The following NOP56 variants were observed in gnomAD, a reference collection of about 807,000 sequenced individuals.
NOP56 encodes the protein nucleolar protein 56.
A neutral mutation model predicts 58.3 loss-of-function variants in NOP56; 31 were observed. The observed-to-expected ratio is 0.53, with a 90% CI of 0.40 to 0.72. NOP56 has a LOEUF of 0.72. Ranked by LOEUF, NOP56 falls within the 30% of genes least tolerant of loss-of-function variation. The probability of loss-of-function intolerance (pLI) is 0.00; values close to 1 mark genes in which losing one functional copy is unlikely to be tolerated. For missense variants in NOP56, 669 were observed against 739.9 expected, an observed-to-expected ratio of 0.90 and a Z score of 1.11; for synonymous variants, 313 against 282.8, an observed-to-expected ratio of 1.11 and a Z score of -1.07.
At chr20:2,656,088 T>C (rs781076243) in intron 8 of NOP56, 54 bp downstream of exon 8, 1 of 1,613,776 alleles carries the variant, frequency 6.2e-7, no homozygotes, top group Non-Finnish European at 8.5e-7. Flanking sequence ...TGCCCACTGC[T>C]TGTTGGGGGA....
intron 5 of NOP56, 103 bp downstream of exon 5, chr20:2,655,050 G>T: frequency 2.2e-6 from 3 of 1,394,490 alleles, no homozygotes; most frequent in Non-Finnish European, 2.0e-6. Context: ...GAACCATGTG[G>T]GCTGGGGCTG....
Position 2,653,287 on chromosome 20 carries a change from G to C in NOP56, c.102G>C (p.Glu34Asp), listed in dbSNP as rs755764596. The change falls in exon 3 of 12, where the codon GAG (glutamate) becomes GAC (aspartate). Residue 34 changes from glutamate to aspartate, a missense_variant. Glu to Asp is a conservative substitution (Grantham distance 45, BLOSUM62 2). Around this residue, in one of 3 missense-constraint regions of NOP56, gnomAD observed 121 missense variants for 113.1 expected, o/e 1.07. Transcript: ENST00000329276. ...EISLLQPQVE[E>D]SVLNLGKFHS... ...CCTCTTTCTCCCCCCAGGTGGAGGA[G>C]TCTGTGCTCAACCTGGGCAAATTCC... The C allele has an allele frequency of 1.0e-4, 169 of 1,613,340 alleles. No individual in the cohort carries two copies. Among genetic ancestry groups the C allele is most frequent in the Non-Finnish European group, 1.4e-4 (166 of 1,179,384 alleles).
rs1361860165 is a variant in NOP56 at position 2,652,847 on chromosome 20, G to A, written c.9G>A (p.Leu3=). 2 of 1,610,856 alleles carry A rather than the reference G, an allele frequency of 1.2e-6. No homozygotes were observed. The highest frequency in any genetic ancestry group is 1.7e-6 in the Non-Finnish European group (2 of 1,179,062). The change falls in exon 2 of 12, where the codon CTG becomes CTA. Residue 3 remains leucine, a synonymous_variant. Coordinates refer to ENST00000329276, the MANE Select transcript of NOP56 (RefSeq NM_006392.4). The part of the protein sequence containing the change: MV[L]LHVLFEHAVG... ...CGCCCCGGCTCCCGTTCCAGGTGCTGTTGCACGTGCTGTTTGAGCACGCGG... is the reference window on the plus strand; with the variant it reads ...CGCCCCGGCTCCCGTTCCAGGTGCTATTGCACGTGCTGTTTGAGCACGCGG...
Position 2,655,305 on chromosome 20 carries a change from G to T in NOP56, c.570-20G>T. 1.2e-6 allele frequency: 2 copies of T among 1,614,200 alleles called. No homozygotes were observed. Among genetic ancestry groups the T allele is most frequent in the Non-Finnish European group, 1.7e-6 (2 of 1,180,010 alleles). Reference sequence around the variant, plus strand: ...TTTGATGAAGCAGCTGGGCCAGGGAGTGACTGTGGCTCTTTGCAGGGAGTG... The same window carrying T: ...TTTGATGAAGCAGCTGGGCCAGGGATTGACTGTGGCTCTTTGCAGGGAGTG... On this transcript the variant is annotated intron_variant, in intron 5 of 11. Transcript: ENST00000329276.
At position 2,658,333 on chromosome 20, in the gene NOP56, T is replaced by C. The variant is rs1555780517; in HGVS notation, c.*39T>C. On this transcript the variant is annotated 3_prime_UTR_variant, in exon 12 of 12. Coordinates refer to ENST00000329276, the MANE Select transcript of NOP56 (RefSeq NM_006392.4). ...ATTCTCTGGGAGGTGGGGCATACCA[T>C]AGCCCAAGGTGACATTTCCCACCCT... is the stretch of plus-strand genomic sequence containing the variant. 4.4e-6 allele frequency: 7 copies of C among 1,603,650 alleles called. No individual in the cohort carries two copies. The highest frequency in any genetic ancestry group is 3.4e-5 in the South Asian group (3 of 89,294).
rs149324605 is a variant in NOP56, at chr20:2,657,362, T to C, written c.1419+144T>C. 170 of 1,186,748 alleles carry C rather than the reference T, an allele frequency of 1.4e-4. No homozygotes were observed. In the African/African-American group the frequency reaches 2.4e-3, roughly 17 times the overall value. 73.5% of individuals were successfully genotyped at this position (1,186,748 alleles called of 1,614,324 possible). ...ACCTGAAACATCTAAAACTACCTCTTGATTCTATAGGAAGGAGATAGGTGC... is the reference window on the plus strand; with the variant it reads ...ACCTGAAACATCTAAAACTACCTCTCGATTCTATAGGAAGGAGATAGGTGC... On this transcript the variant is annotated intron_variant, in intron 11 of 11. Transcript: ENST00000329276.
At position 2,658,316 on chromosome 20, in the gene NOP56, G is replaced by A; in HGVS notation, c.*22G>A. ...TTAGAATGCAAATGGACATTCTCTG[G>A]GAGGTGGGGCATACCATAGCCCAAG... On this transcript the variant is annotated 3_prime_UTR_variant, in exon 12 of 12. Coordinates refer to ENST00000329276, the MANE Select transcript of NOP56 (RefSeq NM_006392.4). The A allele has an allele frequency of 6.2e-7, 1 of 1,601,066 alleles. No homozygotes were observed. The highest frequency in any genetic ancestry group is 2.2e-5 in the East Asian group (1 of 44,648).
At chr20:2,656,316 G>A (rs1568542537) in intron 8 of NOP56, 85 bp from the exon 9 acceptor site, 4 of 1,604,712 alleles carry the variant, frequency 2.5e-6, no homozygotes, top group Non-Finnish European at 3.4e-6. Flanking sequence ...AGGACTTCGG[G>A]GTGAGAGGAG....
At chr20:2,655,068 GCCT>G in intron 5 of NOP56, 121 bp downstream of exon 5, 1 of 1,229,610 alleles carries the variant, frequency 8.1e-7, no homozygotes, top group East Asian at 2.3e-5. Context: ...CTGGGTGTAG[GCCT>G]CCTGGTGCTT....
chr20:2,655,836 C>G, intron 7 of NOP56, 90 bp downstream of exon 7: 1 of 1,610,058 alleles, frequency 6.2e-7, no homozygotes, highest in Non-Finnish European at 8.5e-7. Flanking sequence ...CATGTCTTCC[C>G]TAGTTGTGCT....
At position 2,653,321 on chromosome 20, in the gene NOP56, G is replaced by A; in HGVS notation, c.136G>A (p.Val46Ile). 6.2e-7 allele frequency: 1 copy of A among 1,614,180 alleles called. No homozygotes were observed. The highest frequency in any genetic ancestry group is 8.5e-7 in the Non-Finnish European group (1 of 1,180,030). ...CAACCTGGGCAAATTCCACAGCATC[G>A]TTCGTCTGGTGGCCTTTTGTCCCTT... Reference protein sequence around the residue: ...VLNLGKFHSIVRLVAFCPFAS... With the variant: ...VLNLGKFHSIIRLVAFCPFAS... The change falls in exon 3 of 12, where the codon GTT becomes ATT. Residue 46 changes from valine to isoleucine, a missense_variant. This residue lies in a region of NOP56 where 121 missense variants were observed against 113.1 expected (regional missense o/e 1.07). Coordinates refer to ENST00000329276, the MANE Select transcript of NOP56 (RefSeq NM_006392.4).
chr20:2,654,329 CGG>C, intron 3 of NOP56, 83 bp from the exon 4 acceptor site: 2 of 1,458,908 alleles, frequency 1.4e-6, no homozygotes, highest in South Asian at 2.3e-5. Context: ...CCAGCGTGCT[CGG>C]TGGGACCAGG....
At chr20:2,656,081 C>T (rs1600158864) in intron 8 of NOP56, 47 bp downstream of exon 8, 3 of 1,613,886 alleles carry the variant, frequency 1.9e-6, no homozygotes, top group Non-Finnish European at 1.7e-6. Context: ...CTTCTGGTGC[C>T]CACTGCTTGT....
chr20:2,656,559 G>A lies in NOP56; in HGVS notation c.1159+10G>A, dbSNP rs373547756. 1.3e-5 allele frequency: 21 copies of A among 1,613,420 alleles called. No homozygotes were observed. In the African/African-American group the frequency reaches 2.5e-4, roughly 19 times the overall value. On this transcript the variant is annotated intron_variant, in intron 9 of 11. Transcript: ENST00000329276. ...ATCGATTGCTTCTCTGGTATGGGTG[G>A]GGGGGCGTTGGCAGGTGTGAGAAGG...
Position 2,657,952 on chromosome 20 carries a change from G to C in NOP56, c.1443G>C (p.Lys481Asn), listed in dbSNP as rs1278613914. ...AGGAGATGAGTGAAAAACCCAAAAA[G>C]AAGAAAAAGCAAAAGCCCCAGGAGG... The part of the protein sequence containing the change: ...ECEEMSEKPK[K>N]KKKQKPQEVP... Residue 481 changes from lysine to asparagine, a missense_variant, in exon 12 of 12, where the codon AAG (lysine) becomes AAC (asparagine). By Grantham distance (94) the Lys-to-Asn change is moderately conservative. Coordinates refer to ENST00000329276, the MANE Select transcript of NOP56 (RefSeq NM_006392.4). 6.3e-7 allele frequency: 1 copy of C among 1,588,524 alleles called. No individual in the cohort carries two copies. Among genetic ancestry groups the C allele is most frequent in the South Asian group, 1.1e-5 (1 of 88,218 alleles).
chr20:2,654,160 CCACTTGTGCTATCAGACCTGAATG>C, intron 3 of NOP56: 1 of 708,312 alleles, frequency 1.4e-6, no homozygotes, highest in East Asian at 2.8e-5. Flanking sequence ...TATTTATTGC[CCACTTGTGCTATCAGACCTGAATG>C]CAGTTGTTCC....
chr20:2,655,866 AGGGCT>A, intron 7 of NOP56, 63 bp from the exon 8 acceptor site: 1 of 1,610,462 alleles, frequency 6.2e-7, no homozygotes, highest in South Asian at 1.1e-5. Context: ...GGTGGGGAGC[AGGGCT>A]GTCGTGCAAC....
At chr20:2,655,016 T>G in intron 5 of NOP56, 69 bp downstream of exon 5, 2 of 1,575,966 alleles carry the variant, frequency 1.3e-6, no homozygotes, top group Non-Finnish European at 1.7e-6. Context: ...TGAGTCTTGA[T>G]GAGGACTGAC....
intron 3 of NOP56, 146 bp from the exon 4 acceptor site, chr20:2,654,268 T>G: frequency 1.2e-6 from 1 of 849,618 alleles, no homozygotes. Flanking sequence ...ATCACTGATG[T>G]CTCCATGTCT....
Sources: gnomAD v4.1 joint callset for allele counts on GRCh38, gnomAD v4.1.1 for gene constraint, gnomAD v4.1.1 regional missense constraint, MANE v1.5 for transcripts, NCBI Gene and HGNC (gene_info 2026-07-23, HGNC 2026-07-21) for gene names.